GTF3C2: variants seen among roughly 807,000 people sequenced by gnomAD.
GTF3C2 encodes general transcription factor 3C polypeptide 2.
A neutral mutation model predicts 117.4 loss-of-function variants in GTF3C2; 17 were observed. The ratio of observed to expected loss-of-function variants is 0.14; its 90% CI spans 0.10 to 0.22. GTF3C2 has a LOEUF of 0.22. GTF3C2 is among the 10% of genes least tolerant of loss of function. The pLI is 1.00. For missense variants in GTF3C2, 888 were observed against 1,143.6 expected (o/e 0.78, Z 3.22); for synonymous variants, 437 against 427.0 (o/e 1.02, Z -0.29).
intron 3 of GTF3C2, 39 bp from the exon 4 acceptor site, chr2:27,342,272 G>A: frequency 6.5e-7 from 1 of 1,539,536 alleles, no homozygotes; most frequent in Non-Finnish European, 8.8e-7. Flanking sequence ...TCTCACATAT[G>A]ACTGAGAACC....
chr2:27,327,305 A>T, intron 17 of GTF3C2, 21 bp from the exon 18 acceptor site: 1 of 1,279,266 alleles, frequency 7.8e-7, no homozygotes, highest in Non-Finnish European at 1.1e-6. Context: ...GAAATGGAAT[A>T]GGAGAGAGAA....
In GTF3C2 at chr2:27,333,801, G is replaced by A. The variant is rs984437641; in HGVS notation, c.1603-17C>T. 6.2e-7 allele frequency: 1 copy of A among 1,600,114 alleles called. No homozygotes were observed. Among genetic ancestry groups the A allele is most frequent in the Non-Finnish European group, 8.5e-7 (1 of 1,172,390 alleles). On this transcript the variant is annotated splice_polypyrimidine_tract_variant and intron_variant, in intron 11 of 18. Transcript: ENST00000264720. ...ACATTGTACCTGCAGGGAAAGAAGA[G>A]ATGGGACTAGGGTTAGGGACACCTA... is the stretch of plus-strand genomic sequence containing the variant.
chr2:27,336,368 T>C, exon 8 of GTF3C2: 1 of 1,612,910 alleles, frequency 6.2e-7, no homozygotes, highest in Non-Finnish European at 8.5e-7. Context: ...CCCAGAGCGG[T>C]CCCCCCGTGA....
At chr2:27,339,276 G>A (rs776280788) in intron 4 of GTF3C2, among the ~76,000 whole-genome samples, 1 of 151,688 alleles carries the variant, frequency 6.6e-6, no homozygotes, top group Non-Finnish European at 1.5e-5. Context: ...GTGTGGTGGT[G>A]TGCACCCGTA....
At chr2:27,342,302 G>C in intron 3 of GTF3C2, 69 bp from the exon 4 acceptor site, 1 of 1,299,246 alleles carries the variant, frequency 7.7e-7, no homozygotes, top group Non-Finnish European at 1.1e-6. Context: ...AGACATGGTT[G>C]ATTTTTATCT....
chr2:27,346,365 T>C (rs1270527463), intron 1 of GTF3C2, among the ~76,000 whole-genome samples: 212 of 76,814 alleles, frequency 2.8e-3, no homozygotes, highest in Non-Finnish European at 3.9e-3. Context: ...TTTTTTTTTT[T>C]TTTTGAGACA....
At chr2:27,351,735 G>C (rs1249392374) in intron 1 of GTF3C2, among the ~76,000 whole-genome samples, 5 of 152,116 alleles carry the variant, frequency 3.3e-5, no homozygotes, top group African/African-American at 9.7e-5. Context: ...AAAAATTCCA[G>C]ACAATGAAAT....
rs149898938 is a variant in GTF3C2 at position 27,344,543 on chromosome 2, T to C, written c.-24-965A>G. Among the ~76,000 whole-genome samples the C allele has an allele frequency of 8.5e-5, 13 of 152,162 alleles. No homozygotes were observed. The East Asian group carries it at 1.2e-3, about 14-fold the overall frequency. On this transcript the variant is annotated intron_variant, in intron 1 of 18. Transcript: ENST00000264720. ...AAGAGAGAGAAAAATTTGTCTAGCATGAATCTAGGAAAGGGACACCAACTT... is the reference window on the plus strand; with the variant it reads ...AAGAGAGAGAAAAATTTGTCTAGCACGAATCTAGGAAAGGGACACCAACTT...
At chr2:27,342,991 A>G in exon 3 of GTF3C2, 2 of 1,614,206 alleles carry the variant, frequency 1.2e-6, no homozygotes, top group Admixed American at 1.7e-5. Context: ...GGGGGTGGAC[A>G]GAGGGTTGGA....
chr2:27,335,503 A>C (rs373663863), intron 10 of GTF3C2, 95 bp downstream of exon 10: 1 of 743,282 alleles, frequency 1.3e-6, no homozygotes. Flanking sequence ...GTGCTAAGAG[A>C]GACTGGCCCA....
chr2:27,356,388 G>T, intron 1 of GTF3C2: 1 of 270,806 alleles, frequency 3.7e-6, no homozygotes, highest in South Asian at 3.5e-5. Flanking sequence ...AGCCTGTGCG[G>T]GAGAGGAGCC....
At chr2:27,327,148 A>T (rs370941957) in intron 18 of GTF3C2, 29 bp downstream of exon 18, 8 of 1,186,560 alleles carry the variant, frequency 6.7e-6, no homozygotes, top group Admixed American at 1.8e-5. Context: ...GGGAAATGAG[A>T]GTGGAGGGTG....
At chr2:27,351,163 G>C (rs569308555) in intron 1 of GTF3C2, among the ~76,000 whole-genome samples, 1 of 152,168 alleles carries the variant, frequency 6.6e-6, no homozygotes, top group South Asian at 2.1e-4. Context: ...TGTAATCCTA[G>C]CACTCTGGGA....
intron 11 of GTF3C2, 44 bp from the exon 12 acceptor site, chr2:27,333,828 A>G (rs201374373): frequency 2.5e-6 from 4 of 1,583,930 alleles, no homozygotes; most frequent in East Asian, 4.5e-5. Flanking sequence ...GGACACCTAC[A>G]CTGTTTGGAA....
rs1038245304 is a variant in GTF3C2 at position 27,349,675 on chromosome 2, G to A, written c.-24-6097C>T. Reference sequence around the variant, plus strand: ...TTTTTTTGAGACGGAGCCTCTCTCTGTTGCCCAGGCTGGAATGCAGTGGCG... The same window carrying A: ...TTTTTTTGAGACGGAGCCTCTCTCTATTGCCCAGGCTGGAATGCAGTGGCG... On this transcript the variant is annotated intron_variant, in intron 1 of 18. Transcript: ENST00000264720. Among the ~76,000 whole-genome samples, 10 of 151,486 alleles carry A rather than the reference G, an allele frequency of 6.6e-5. No homozygotes were observed. In the South Asian group the frequency reaches 1.9e-3, roughly 28 times the overall value.
intron 4 of GTF3C2, chr2:27,340,654 ACT>A (rs1304027669): frequency 6.7e-6 from 1 of 149,410 alleles, no homozygotes; most frequent in African/African-American, 2.5e-5. Context: ...ACAGTTTCAC[ACT>A]GTCACCCAGG....
chr2:27,335,695 C>T, exon 10 of GTF3C2: 2 of 1,558,972 alleles, frequency 1.3e-6, no homozygotes. Flanking sequence ...CCAACCGGGG[C>T]AGGAGAGGAG....
At chr2:27,339,493 G>A (rs1166921754) in intron 4 of GTF3C2, 2 of 151,360 alleles carry the variant, frequency 1.3e-5, no homozygotes, top group Non-Finnish European at 2.9e-5. Flanking sequence ...ATCATGGAAC[G>A]AAATATCCAT....
chr2:27,353,170 A>G (rs1016459107), intron 1 of GTF3C2, among the ~76,000 whole-genome samples: 3 of 152,152 alleles, frequency 2.0e-5, no homozygotes, highest in African/African-American at 7.2e-5. Flanking sequence ...TGAGGTGAGC[A>G]GATCATGAGG....
Sources: allele counts gnomAD v4.1 joint callset (sites outside exome capture counted in the v4.1 genomes callset), GRCh38; gene constraint gnomAD v4.1.1; transcripts MANE v1.5; gene names NCBI Gene and HGNC (gene_info 2026-07-23, HGNC 2026-07-21).